Variants in KIRREL3 observed in about 807,000 individuals in gnomAD.
KIRREL3 encodes kin of IRRE-like protein 3.
Under a neutral mutation model 89.7 loss-of-function variants are expected in KIRREL3, and 36 were observed. The observed-to-expected ratio is 0.40, with a 90% CI of 0.31 to 0.53. The LOEUF (loss-of-function observed/expected upper bound fraction) is 0.53, where lower values mean the gene tolerates loss of function less well. Ranked by LOEUF, KIRREL3 falls within the 20% of genes least tolerant of loss-of-function variation. The pLI is 0.49. For synonymous variants in KIRREL3, 445 were observed against 441.4 expected (o/e 1.01, Z -0.10); for missense variants, 864 against 1,056.6 (o/e 0.82, Z 2.53).
intron 1 of KIRREL3, among the ~76,000 whole-genome samples, chr11:126,869,098 GTA>G (rs1945018303): frequency 6.7e-6 from 1 of 149,844 alleles, no homozygotes; most frequent in African/African-American, 2.5e-5. Flanking sequence ...TCAGTCCATT[GTA>G]TCTACATAGA....
intron 1 of KIRREL3, among the ~76,000 whole-genome samples, chr11:126,854,170 T>C (rs998627334): frequency 2.1e-5 from 2 of 93,978 alleles, no homozygotes; most frequent in Admixed American, 1.3e-4. Flanking sequence ...ATGTGGTGTG[T>C]GGTTTTTTGT....
At chr11:126,695,710 C>T (rs1947066862) in intron 1 of KIRREL3, among the ~76,000 whole-genome samples, 1 of 152,146 alleles carries the variant, frequency 6.6e-6, no homozygotes, top group Admixed American at 6.5e-5. Flanking sequence ...CTTGGGGGCT[C>T]TGCTGCATTG....
intron 1 of KIRREL3, chr11:126,988,374 C>G (rs771483229): frequency 1.3e-5 from 2 of 152,772 alleles, no homozygotes; most frequent in Non-Finnish European, 2.9e-5. Flanking sequence ...TTTTTATCAG[C>G]TCTCCGTCCC....
At position 126,571,540 on chromosome 11, in the gene KIRREL3, G is replaced by A. The variant is rs1940930989; in HGVS notation, c.56-8628C>T. Among the ~76,000 whole-genome samples the A allele has an allele frequency of 6.6e-6, 1 of 152,214 alleles. No homozygotes were observed. The highest frequency in any genetic ancestry group is 2.4e-5 in the African/African-American group (1 of 41,452). ...TGTGCTGATTGCTTATGCTTCATTA[G>A]TCTCTGGGCTGAGCACTTTGCATGC... is the stretch of plus-strand genomic sequence containing the variant. On this transcript the variant is annotated intron_variant, in intron 1 of 16. Coordinates refer to ENST00000525144, the MANE Select transcript of KIRREL3 (RefSeq NM_032531.4). This position sits in a 1 kb window ranked among gnomAD's most constrained non-coding sequence, Gnocchi z 7.7.
rs1160185180 is a variant in KIRREL3, at chr11:126,978,334, C to A, written c.55+22121G>T. ...GCGTGTTCTTCACCTTCCCTTCAAACTTTAGCCAATTAGGTTTCCTCCATT... is the reference window on the plus strand; with the variant it reads ...GCGTGTTCTTCACCTTCCCTTCAAAATTTAGCCAATTAGGTTTCCTCCATT... On this transcript the variant is annotated intron_variant, in intron 1 of 16. Coordinates refer to ENST00000525144, the MANE Select transcript of KIRREL3 (RefSeq NM_032531.4). The surrounding 1 kb of genome is among the most constrained non-coding windows in gnomAD (Gnocchi z 4.2). Among the ~76,000 whole-genome samples, 2 of 152,158 alleles carry A rather than the reference C, an allele frequency of 1.3e-5. No individual in the cohort carries two copies. The highest frequency in any genetic ancestry group is 2.9e-5 in the Non-Finnish European group (2 of 68,036).
At chr11:126,959,776 C>T (rs1002479153) in intron 1 of KIRREL3, among the ~76,000 whole-genome samples, 1 of 152,140 alleles carries the variant, frequency 6.6e-6, no homozygotes, top group African/African-American at 2.4e-5. Context: ...AACCTGGGGG[C>T]CACCTCTTCT....
In KIRREL3 at chr11:126,965,865, G is replaced by A. The variant is rs1229857665; in HGVS notation, c.55+34590C>T. 2.0e-5 allele frequency among the ~76,000 whole-genome samples: 3 copies of A among 152,188 alleles called. No individual in the cohort carries two copies. The East Asian group carries it at 5.8e-4, about 29-fold the overall frequency. The stretch of plus-strand genomic sequence containing the variant: ...GATGTGTGTGGGTATCAGGTCAGCA[G>A]CTTTGAGGTTGTGCCATGTAATCCA... On this transcript the variant is annotated intron_variant, in intron 1 of 16. Coordinates refer to ENST00000525144, the MANE Select transcript of KIRREL3 (RefSeq NM_032531.4). This position sits in a 1 kb window ranked among gnomAD's most constrained non-coding sequence, Gnocchi z 4.4.
chr11:126,702,479 T>C (rs1278185033), intron 1 of KIRREL3, among the ~76,000 whole-genome samples: 2 of 152,206 alleles, frequency 1.3e-5, no homozygotes, highest in Non-Finnish European at 2.9e-5. Flanking sequence ...GAGCCTCTGC[T>C]GAGAGGCTGA....
intron 1 of KIRREL3, among the ~76,000 whole-genome samples, chr11:126,751,708 G>T (rs1462478887): frequency 2.6e-5 from 4 of 151,974 alleles, no homozygotes; most frequent in African/African-American, 9.7e-5. Context: ...GCTAGATCCT[G>T]GTGTCTATCT....
In KIRREL3 at chr11:126,496,246, G is replaced by A. The variant is rs147663639; in HGVS notation, c.434-22780C>T. 8.6e-4 allele frequency among the ~76,000 whole-genome samples: 131 copies of A among 152,320 alleles called. No individual in the cohort carries two copies. The highest frequency in any genetic ancestry group is 3.0e-3 in the African/African-American group (124 of 41,576). ...CAACTTTCAAAGGTACTTTGTGCTC[G>A]GAACATTGAGAGGCACTGTGCTGTT... On this transcript the variant is annotated intron_variant, in intron 4 of 16. Transcript: ENST00000525144. The surrounding 1 kb of genome is among the most constrained non-coding windows in gnomAD (Gnocchi z 4.9).
At chr11:126,875,730 A>G (rs1404104089) in intron 1 of KIRREL3, among the ~76,000 whole-genome samples, 1 of 152,200 alleles carries the variant, frequency 6.6e-6, no homozygotes, top group Non-Finnish European at 1.5e-5. Flanking sequence ...TTGTTTTTCG[A>G]CTTTTATTGG....
intron 1 of KIRREL3, among the ~76,000 whole-genome samples, chr11:126,972,890 G>A (rs892767441): frequency 1.3e-5 from 2 of 151,870 alleles, no homozygotes; most frequent in East Asian, 1.9e-4. Context: ...TTCCGCCATC[G>A]TGCACATAAA....
At position 126,909,341 on chromosome 11, in the gene KIRREL3, A is replaced by G. The variant is rs1592332092; in HGVS notation, c.55+91114T>C. 1.3e-5 allele frequency among the ~76,000 whole-genome samples: 2 copies of G among 152,242 alleles called. No homozygotes were observed. Among genetic ancestry groups the G allele is most frequent in the East Asian group, 3.9e-4 (2 of 5,182 alleles). Reference sequence around the variant, plus strand: ...CTGTGGACTTCTTCACTAGCCTGAGAGTTCCTCAAGGCAAGAGAGCAAGGA... The same window carrying G: ...CTGTGGACTTCTTCACTAGCCTGAGGGTTCCTCAAGGCAAGAGAGCAAGGA... On this transcript the variant is annotated intron_variant, in intron 1 of 16. Transcript: ENST00000525144. This position sits in a 1 kb window ranked among gnomAD's most constrained non-coding sequence, Gnocchi z 4.5.
In KIRREL3 at chr11:126,639,834, G is replaced by T. The variant is rs996160071; in HGVS notation, c.56-76922C>A. ...ACTCATTTCAGGTTTGACCTCTGTG[G>T]CTGGGATCTGAGAAGGCTTAGTTTG... is the stretch of plus-strand genomic sequence containing the variant. On this transcript the variant is annotated intron_variant, in intron 1 of 16. Transcript: ENST00000525144. The surrounding 1 kb of genome is among the most constrained non-coding windows in gnomAD (Gnocchi z 4.3). Among the ~76,000 whole-genome samples, 11 of 152,168 alleles carry T rather than the reference G, an allele frequency of 7.2e-5. No homozygotes were observed. Among genetic ancestry groups the T allele is most frequent in the African/African-American group, 2.2e-4 (9 of 41,428 alleles).
chr11:126,965,108 C>T lies in KIRREL3; in HGVS notation c.55+35347G>A, dbSNP rs984331544. 2.0e-5 allele frequency among the ~76,000 whole-genome samples: 3 copies of T among 152,094 alleles called. No individual in the cohort carries two copies. Among genetic ancestry groups the T allele is most frequent in the African/African-American group, 7.2e-5 (3 of 41,428 alleles). ...AATTTTACCTAGGCCACAGAAAAAG[C>T]GGCTCAAGAACAGAGAGATAAAATG... On this transcript the variant is annotated intron_variant, in intron 1 of 16. Coordinates refer to ENST00000525144, the MANE Select transcript of KIRREL3 (RefSeq NM_032531.4). This position sits in a 1 kb window ranked among gnomAD's most constrained non-coding sequence, Gnocchi z 4.4.
At chr11:126,775,247 T>C (rs1374280377) in intron 1 of KIRREL3, among the ~76,000 whole-genome samples, 2 of 151,826 alleles carry the variant, frequency 1.3e-5, no homozygotes, top group African/African-American at 4.8e-5. Flanking sequence ...ACTTAAGGAG[T>C]TGATCGATTT....
At position 126,508,799 on chromosome 11, in the gene KIRREL3, G is replaced by A. The variant is rs981254728; in HGVS notation, c.433+12516C>T. Among the ~76,000 whole-genome samples, 4 of 152,142 alleles carry A rather than the reference G, an allele frequency of 2.6e-5. No homozygotes were observed. The highest frequency in any genetic ancestry group is 1.9e-4 in the East Asian group (1 of 5,188). ...CTTCCTCGTCCGTAAAAGGGGACAC[G>A]GGACCTGCCTGGCAGAGCTGGTCAG... On this transcript the variant is annotated intron_variant, in intron 4 of 16. Transcript: ENST00000525144. This position sits in a 1 kb window ranked among gnomAD's most constrained non-coding sequence, Gnocchi z 4.9.
chr11:126,700,434 T>C lies in KIRREL3; in HGVS notation c.56-137522A>G, dbSNP rs1284301410. On this transcript the variant is annotated intron_variant, in intron 1 of 16. Coordinates refer to ENST00000525144, the MANE Select transcript of KIRREL3 (RefSeq NM_032531.4). ...AACAGGACCGGAAAACGATGTGAGG[T>C]CCCCACACTGTGTTCCACATACAAT... 2.0e-5 allele frequency among the ~76,000 whole-genome samples: 3 copies of C among 152,218 alleles called. No homozygotes were observed. In the East Asian group the frequency reaches 5.8e-4, roughly 29 times the overall value.
At chr11:126,777,592 A>G (rs1218236929) in intron 1 of KIRREL3, among the ~76,000 whole-genome samples, 1 of 152,206 alleles carries the variant, frequency 6.6e-6, no homozygotes, top group African/African-American at 2.4e-5. Flanking sequence ...GTGTTAGACA[A>G]GACAAGAATG....
Sources: allele counts gnomAD v4.1 joint callset (sites outside exome capture counted in the v4.1 genomes callset), GRCh38; gene constraint gnomAD v4.1.1; non-coding constraint Gnocchi (gnomAD v3.1); transcripts MANE v1.5; gene names NCBI Gene and HGNC (gene_info 2026-07-23, HGNC 2026-07-21).